GLI3: variants seen among roughly 807,000 people sequenced by gnomAD.
GLI3 encodes the protein transcription activator GLI3.
Under a neutral mutation model 100.8 loss-of-function variants are expected in GLI3, and 20 were observed. That is an observed-to-expected ratio of 0.20 (90% CI 0.14 to 0.29). The LOEUF is 0.29. GLI3 is among the 10% of genes least tolerant of loss of function. The pLI, the probability that GLI3 is intolerant of heterozygous loss-of-function variation, is 1.00. For synonymous variants in GLI3, 938 were observed against 860.5 expected (o/e 1.09, Z -1.58); for missense variants, 2,040 against 2,128.5 (o/e 0.96, Z 0.82).
intron 3 of GLI3, among the ~76,000 whole-genome samples, chr7:42,087,763 A>T (rs1161939857): frequency 1.3e-5 from 2 of 150,698 alleles, no homozygotes; most frequent in African/African-American, 4.9e-5. Context: ...GCATGTACTT[A>T]ATGCTATTAT....
intron 2 of GLI3, among the ~76,000 whole-genome samples, chr7:42,208,620 C>T (rs1442575499): frequency 6.6e-6 from 1 of 152,048 alleles, no homozygotes; most frequent in Admixed American, 6.5e-5. Context: ...TTCTTTTTTC[C>T]ACTCCAAAAA....
intron 3 of GLI3, chr7:42,118,468 A>G (rs1785914366): frequency 1.0e-5 from 4 of 395,500 alleles, no homozygotes; most frequent in Non-Finnish European, 1.8e-5. Flanking sequence ...CACAGCAACT[A>G]GAGACCCCTA....
chr7:42,060,337 G>A (rs967102829), intron 4 of GLI3, among the ~76,000 whole-genome samples: 3 of 152,092 alleles, frequency 2.0e-5, no homozygotes, highest in African/African-American at 4.8e-5. Context: ...GGTGAGTTCA[G>A]CTATGATGTC....
chr7:42,182,648 A>G (rs940234833), intron 2 of GLI3, among the ~76,000 whole-genome samples: 1,105 of 50,930 alleles, frequency 0.022, 80 homozygotes, highest in African/African-American at 0.1. Flanking sequence ...GTGTGTGTAT[A>G]TATATATATA....
chr7:42,233,860 G>C (rs1402558675), intron 1 of GLI3, among the ~76,000 whole-genome samples: 1 of 152,050 alleles, frequency 6.6e-6, no homozygotes, highest in Non-Finnish European at 1.5e-5. Flanking sequence ...TATTAGAGTG[G>C]AACCTTTTGT....
At chr7:42,098,482 G>C (rs530429987) in intron 3 of GLI3, among the ~76,000 whole-genome samples, 6 of 152,292 alleles carry the variant, frequency 3.9e-5, no homozygotes, top group Non-Finnish European at 7.4e-5. Flanking sequence ...ATGTACAGCA[G>C]AGGGCTCTGA....
chr7:42,164,958 AT>A (rs1787210542), intron 2 of GLI3, among the ~76,000 whole-genome samples: 1 of 151,720 alleles, frequency 6.6e-6, no homozygotes, highest in African/African-American at 2.4e-5. Context: ...TGAAATGATC[AT>A]AAAGGAAATG....
intron 3 of GLI3, among the ~76,000 whole-genome samples, chr7:42,140,044 C>T (rs1031598511): frequency 1.3e-5 from 2 of 152,232 alleles, no homozygotes; most frequent in Admixed American, 6.5e-5. Context: ...CACAAAGATT[C>T]TTCTCAAGTC....
At chr7:42,219,823 T>C (rs2128701385) in intron 2 of GLI3, among the ~76,000 whole-genome samples, 1 of 152,036 alleles carries the variant, frequency 6.6e-6, no homozygotes, top group East Asian at 1.9e-4. Context: ...AATGCAGGTA[T>C]CACATTCATT....
intron 3 of GLI3, among the ~76,000 whole-genome samples, chr7:42,121,748 C>T (rs1755293510): frequency 6.6e-6 from 1 of 152,122 alleles, no homozygotes; most frequent in Non-Finnish European, 1.5e-5. Context: ...ATCAGGAGTG[C>T]ACCCACCTAA....
chr7:42,096,553 A>G (rs1785342455), intron 3 of GLI3, among the ~76,000 whole-genome samples: 1 of 152,202 alleles, frequency 6.6e-6, no homozygotes, highest in South Asian at 2.1e-4. Flanking sequence ...TGAAGGACGC[A>G]TTCAAAGCGG....
chr7:42,059,705 T>A (rs889468256), intron 4 of GLI3, among the ~76,000 whole-genome samples: 3 of 152,212 alleles, frequency 2.0e-5, no homozygotes, highest in African/African-American at 7.2e-5. Flanking sequence ...TTGGTTGGAT[T>A]CTGTGACATC....
At position 42,230,110 on chromosome 7, in the gene GLI3, G is replaced by C. The variant is rs946369797; in HGVS notation, c.-42-6815C>G. On this transcript the variant is annotated intron_variant, in intron 1 of 14. Transcript: ENST00000395925. ...TGCAAGGGTTGGGCGGGGGGGGGGGGGGTGGAAAGCCCAACTTCATAAGTT... is the reference window on the plus strand; with the variant it reads ...TGCAAGGGTTGGGCGGGGGGGGGGGCGGTGGAAAGCCCAACTTCATAAGTT... 3.3e-4 allele frequency among the ~76,000 whole-genome samples: 30 copies of C among 90,606 alleles called. 5 individuals carry two copies. The highest frequency in any genetic ancestry group is 1.5e-3 in the South Asian group (3 of 1,960). 59.4% of individuals were successfully genotyped at this position (90,606 alleles called of 152,430 possible). A position where few individuals can be genotyped will look rare whatever the true frequency, so the allele number is the denominator to read the frequency against.
intron 3 of GLI3, among the ~76,000 whole-genome samples, chr7:42,083,721 A>G (rs979190305): frequency 2.0e-5 from 3 of 152,252 alleles, no homozygotes; most frequent in Non-Finnish European, 4.4e-5. Context: ...CGATAACACT[A>G]AGTACATCAA....
chr7:42,247,584 G>T (rs1014579986), intron 1 of GLI3, among the ~76,000 whole-genome samples: 1 of 152,180 alleles, frequency 6.6e-6, no homozygotes, highest in African/African-American at 2.4e-5. Context: ...TTCTTATTCT[G>T]CTTCCGTGTA....
At chr7:42,007,656 A>G (rs2128724223) in intron 10 of GLI3, among the ~76,000 whole-genome samples, 1 of 152,324 alleles carries the variant, frequency 6.6e-6, no homozygotes, top group African/African-American at 2.4e-5. Flanking sequence ...TTCTAAAGAA[A>G]ATTATATGGG....
At chr7:42,238,576 T>C (rs1366546933), upstream of GLI3, among the ~76,000 whole-genome samples, 2 of 152,176 alleles carry the variant, frequency 1.3e-5, no homozygotes, top group African/African-American at 4.8e-5. Context: ...ACCCCAGGCT[T>C]GGAGCCTGGT....
intron 2 of GLI3, among the ~76,000 whole-genome samples, chr7:42,173,123 G>T (rs1198863051): frequency 6.6e-6 from 1 of 152,190 alleles, no homozygotes; most frequent in Non-Finnish European, 1.5e-5. Context: ...ACAGGTAGAT[G>T]TACCATAAGT....
At chr7:42,114,540 T>C (rs1785799664) in intron 3 of GLI3, among the ~76,000 whole-genome samples, 1 of 152,152 alleles carries the variant, frequency 6.6e-6, no homozygotes, top group South Asian at 2.1e-4. Flanking sequence ...AAGAAATGTG[T>C]CCTTCAGTCA....
Sources: gnomAD v4.1 joint callset for allele counts (sites outside exome capture counted in the v4.1 genomes callset) on GRCh38, gnomAD v4.1.1 for gene constraint, MANE v1.5 for transcripts, NCBI Gene and HGNC (gene_info 2026-07-23, HGNC 2026-07-21) for gene names.